The following ANO6 variants were observed in gnomAD, a reference collection of about 807,000 sequenced individuals.
ANO6 encodes the protein anoctamin-6.
In ANO6, 106 loss-of-function variants were observed where a neutral mutation model predicts 117.5. That is an observed-to-expected ratio of 0.90 (90% CI 0.77 to 1.06). The LOEUF (loss-of-function observed/expected upper bound fraction) is 1.06. Ranked by LOEUF, ANO6 falls within the 50% of genes least tolerant of loss-of-function variation. The pLI is 0.00. For missense variants in ANO6, 955 were observed against 1,121.1 expected, an observed-to-expected ratio of 0.85 and a Z score of 2.12; for synonymous variants, 367 against 385.1, an observed-to-expected ratio of 0.95 and a Z score of 0.55.
At chr12:45,320,989 C>T (rs964749487) in intron 2 of ANO6, among the ~76,000 whole-genome samples, 26 of 151,994 alleles carry the variant, frequency 1.7e-4, no homozygotes, top group Admixed American at 2.0e-4. Flanking sequence ...TCCTCCATCC[C>T]TTTATTTTGA....
At chr12:45,296,098 T>C (rs930470011) in intron 1 of ANO6, among the ~76,000 whole-genome samples, 3 of 152,126 alleles carry the variant, frequency 2.0e-5, no homozygotes, top group African/African-American at 7.2e-5. Context: ...TGGTGTCAGG[T>C]GATCCAACCG....
At chr12:45,340,765 T>C (rs1158261161) in intron 3 of ANO6, among the ~76,000 whole-genome samples, 1 of 152,164 alleles carries the variant, frequency 6.6e-6, no homozygotes, top group Non-Finnish European at 1.5e-5. Flanking sequence ...TTTTTAAATG[T>C]CAAGAACACT....
chr12:45,236,690 C>T (rs1003882324), intron 1 of ANO6, among the ~76,000 whole-genome samples: 1 of 152,148 alleles, frequency 6.6e-6, no homozygotes, highest in East Asian at 1.9e-4. Flanking sequence ...AATAAACATA[C>T]GTGTGCATGT....
chr12:45,324,348 TAAAG>T (rs1940390613), intron 2 of ANO6, among the ~76,000 whole-genome samples: 1 of 152,216 alleles, frequency 6.6e-6, no homozygotes, highest in Non-Finnish European at 1.5e-5. Flanking sequence ...CTTTTTGAGT[TAAAG>T]GAAGAAAAGT....
In ANO6 at chr12:45,315,870, A is replaced by G. The variant is rs542039964; in HGVS notation, c.150+13777A>G. ...TCTCACCCCCGTCCAGTTAATCACC[A>G]GGGTCTGCTGATTCTAGGTATAAAT... On this transcript the variant is annotated intron_variant, in intron 2 of 19. Coordinates refer to ENST00000320560, the MANE Select transcript of ANO6 (RefSeq NM_001025356.3). Among the ~76,000 whole-genome samples the G allele has an allele frequency of 4.1e-4, 63 of 152,170 alleles. 1 individual carries two copies. Among genetic ancestry groups the G allele is most frequent in the African/African-American group, 1.5e-3 (63 of 41,532 alleles).
chr12:45,435,122 A>C (rs111917635), downstream of ANO6, among the ~76,000 whole-genome samples: 2,055 of 152,296 alleles, frequency 0.013, 41 homozygotes, highest in African/African-American at 0.045. Flanking sequence ...TCTCTATTAT[A>C]AAATGAATGG....
At chr12:45,284,490 A>G (rs578060293) in intron 1 of ANO6, among the ~76,000 whole-genome samples, 5 of 152,226 alleles carry the variant, frequency 3.3e-5, no homozygotes, top group African/African-American at 1.2e-4. Flanking sequence ...TCAGAGAAAA[A>G]CTTTTGCTTC....
chr12:45,270,838 G>A (rs553494815), intron 1 of ANO6, among the ~76,000 whole-genome samples: 6 of 152,130 alleles, frequency 3.9e-5, no homozygotes, highest in African/African-American at 1.4e-4. Flanking sequence ...TGCAACCTCT[G>A]CTTCCCAAGT....
In ANO6 at chr12:45,432,192, A is replaced by C; in HGVS notation, c.*2881A>C. The C allele has an allele frequency of 9.1e-6, 9 of 984,992 alleles. No homozygotes were observed. The highest frequency in any genetic ancestry group is 1.1e-5 in the Non-Finnish European group (9 of 829,612). 61.0% of individuals were successfully genotyped at this position (984,992 alleles called of 1,614,324 possible). On this transcript the variant is annotated 3_prime_UTR_variant, in exon 20 of 20. Coordinates refer to ENST00000320560, the MANE Select transcript of ANO6 (RefSeq NM_001025356.3). ...CTTAACTGAAGTAGAACTATTCATG[A>C]TGCTTTTCACACATTGTGGCATAAG...
rs1272289269 is a variant in ANO6 at position 45,388,238 on chromosome 12, G to T, written c.1243G>T (p.Glu415Ter). The T allele has an allele frequency of 1.2e-6, 2 of 1,614,142 alleles. No homozygotes were observed. The highest frequency in any genetic ancestry group is 1.7e-6 in the Non-Finnish European group (2 of 1,180,004). ...ATGGGATACTGTTGAGTTACAGCAG[G>T]AAGAACAAGCCCGACCAGAATACGA... ...YEWDTVELQQ[E>*]EQARPEYEAR... Residue 415 changes from glutamate to a stop codon, truncating the protein, a stop_gained, in exon 11 of 20, where the codon GAA (glutamate) becomes TAA (stop). Coordinates refer to ENST00000320560, the MANE Select transcript of ANO6 (RefSeq NM_001025356.3). LOFTEE classifies it high-confidence loss of function.
At chr12:45,381,062 C>G (rs973682062) in intron 10 of ANO6, among the ~76,000 whole-genome samples, 9 of 152,164 alleles carry the variant, frequency 5.9e-5, no homozygotes, top group Admixed American at 2.0e-4. Context: ...TTAAAACATC[C>G]TAGACCTTCA....
intron 1 of ANO6, chr12:45,292,713 G>A (rs950294405): frequency 6.7e-6 from 9 of 1,351,842 alleles, no homozygotes; most frequent in Non-Finnish European, 8.6e-6. Context: ...AGGAATAGGG[G>A]AAGAGTTCAT....
At chr12:45,243,374 C>G (rs565532624) in intron 1 of ANO6, among the ~76,000 whole-genome samples, 2 of 152,066 alleles carry the variant, frequency 1.3e-5, no homozygotes, top group South Asian at 4.2e-4. Flanking sequence ...AATGAACTTA[C>G]TTAGGAGCTA....
chr12:45,348,763 G>A, intron 6 of ANO6, 132 bp downstream of exon 6: 1 of 744,200 alleles, frequency 1.3e-6, no homozygotes, highest in Non-Finnish European at 2.4e-6. Flanking sequence ...AAGATTACAA[G>A]CTCATTTAGG....
At chr12:45,296,244 G>A (rs904731325) in intron 1 of ANO6, among the ~76,000 whole-genome samples, 1 of 152,180 alleles carries the variant, frequency 6.6e-6, no homozygotes, top group Non-Finnish European at 1.5e-5. Context: ...TAGATATCGT[G>A]CCCAATCTGG....
chr12:45,265,523 T>C (rs1321976865), intron 1 of ANO6, among the ~76,000 whole-genome samples: 1 of 152,184 alleles, frequency 6.6e-6, no homozygotes, highest in Non-Finnish European at 1.5e-5. Flanking sequence ...TTATGTACCT[T>C]ACCATCCTTA....
intron 1 of ANO6, among the ~76,000 whole-genome samples, chr12:45,219,693 T>A (rs904892181): frequency 6.6e-6 from 1 of 152,192 alleles, no homozygotes; most frequent in African/African-American, 2.4e-5. Flanking sequence ...TGAACTGATC[T>A]GGAGAATCAA....
chr12:45,272,031 C>T (rs145998203), intron 1 of ANO6, among the ~76,000 whole-genome samples: 19 of 152,174 alleles, frequency 1.2e-4, no homozygotes, highest in Non-Finnish European at 2.8e-4. Context: ...GGAAAATCTT[C>T]CTAAAACAAA....
chr12:45,372,719 C>A (rs2137525719), intron 9 of ANO6, among the ~76,000 whole-genome samples: 1 of 152,242 alleles, frequency 6.6e-6, no homozygotes, highest in African/African-American at 2.4e-5. Context: ...AAGCACTAAA[C>A]ATGGAAAGGA....
Sources: allele counts gnomAD v4.1 joint callset (sites outside exome capture counted in the v4.1 genomes callset), GRCh38; gene constraint gnomAD v4.1.1; transcripts MANE v1.5; gene names NCBI Gene and HGNC (gene_info 2026-07-23, HGNC 2026-07-21).